Variants in TNN observed in about 807,000 individuals in gnomAD.
The protein encoded by TNN is tenascin N.
In TNN, 122 loss-of-function variants were observed where a neutral mutation model predicts 134.4. That is an observed-to-expected ratio of 0.91 (90% CI 0.78 to 1.06). TNN has a LOEUF of 1.06. Ranked by LOEUF, TNN falls within the 50% of genes least tolerant of loss-of-function variation. TNN has a pLI of 0.00. For missense variants in TNN, 1,739 were observed against 1,699.4 expected (o/e 1.02, Z -0.41); for synonymous variants, 710 against 670.3 (o/e 1.06, Z -0.91).
At chr1:175,134,082 G>T (rs1174225532) in intron 15 of TNN, among the ~76,000 whole-genome samples, 1 of 152,124 alleles carries the variant, frequency 6.6e-6, no homozygotes, top group Non-Finnish European at 1.5e-5. Flanking sequence ...AGTGAACTGA[G>T]ACTCAGTGAA....
intron 17 of TNN, among the ~76,000 whole-genome samples, chr1:175,141,210 G>A (rs552174168): frequency 2.8e-4 from 42 of 152,332 alleles, no homozygotes; most frequent in African/African-American, 9.9e-4. Context: ...GTGGGGGCAG[G>A]GAGGCTATCT....
At chr1:175,138,804 ACAT>A (rs1675879790) in intron 17 of TNN, among the ~76,000 whole-genome samples, 3 of 152,180 alleles carry the variant, frequency 2.0e-5, no homozygotes, top group South Asian at 4.1e-4. Context: ...CATTGTGCAA[ACAT>A]CATAGAATGC....
chr1:175,080,239 G>T lies in TNN; in HGVS notation c.861G>T (p.Gln287His), dbSNP rs777234827. 6.8e-6 allele frequency: 11 copies of T among 1,614,006 alleles called. No individual in the cohort carries two copies. In the South Asian group the frequency reaches 1.2e-4, roughly 18 times the overall value. Residue 287 changes from glutamine to histidine, a missense_variant, in exon 4 of 19, where the codon CAG becomes CAT. Gln to His is a conservative substitution (Grantham distance 24). Transcript: ENST00000239462. ...TGGTGAGCTGGGAGCCCTCCAGCCA[G>T]GTGGATCACTACCTCCTCAGCTACT... The part of the protein sequence containing the change: ...SLLVSWEPSS[Q>H]VDHYLLSYYP...
At chr1:175,143,979 A>T (rs1327015685) in intron 17 of TNN, among the ~76,000 whole-genome samples, 1 of 151,890 alleles carries the variant, frequency 6.6e-6, no homozygotes, top group East Asian at 1.9e-4. Flanking sequence ...GTATGAAGGG[A>T]TTTCCAAACA....
intron 9 of TNN, among the ~76,000 whole-genome samples, chr1:175,109,697 A>G (rs901605655): frequency 1.3e-5 from 2 of 149,060 alleles, no homozygotes; most frequent in African/African-American, 4.9e-5. Context: ...ACACATACAT[A>G]TGTATTATAT....
At chr1:175,079,228 G>T in intron 2 of TNN, 105 bp from the exon 3 acceptor site, 15 of 1,223,210 alleles carry the variant, frequency 1.2e-5, no homozygotes, top group African/African-American at 3.2e-5. Flanking sequence ...AGACCCTTAA[G>T]AGTGGGGCTA....
At chr1:175,099,562 G>T (rs1428811468) in intron 9 of TNN, among the ~76,000 whole-genome samples, 4 of 148,272 alleles carry the variant, frequency 2.7e-5, no homozygotes. Context: ...AGAGGTAAGG[G>T]TCCTGGAAGA....
chr1:175,108,685 G>A (rs939097178), intron 9 of TNN, among the ~76,000 whole-genome samples: 3 of 152,224 alleles, frequency 2.0e-5, no homozygotes, highest in Admixed American at 6.5e-5. Context: ...TACACCCTCC[G>A]CAGCTGCTGG....
intron 1 of TNN, among the ~76,000 whole-genome samples, chr1:175,074,696 G>T (rs1299913791): frequency 6.6e-6 from 1 of 152,176 alleles, no homozygotes; most frequent in East Asian, 1.9e-4. Context: ...CCATGAAGGA[G>T]TGGGAGGGCA....
chr1:175,126,104 C>CTTT (rs11410834), intron 12 of TNN, among the ~76,000 whole-genome samples: 52,582 of 133,016 alleles, frequency 0.4, 11,163 homozygotes, highest in African/African-American at 0.48. Flanking sequence ...TTGTTTCTTT[C>CTTT]TTTTTTTTTT....
Position 175,097,466 on chromosome 1 carries a change from C to T in TNN, c.1638C>T (p.Thr546=), listed in dbSNP as rs752011838. The change falls in exon 8 of 19, where the codon ACC becomes ACT. Residue 546 remains threonine, a synonymous_variant. Transcript: ENST00000239462. ...NLVTDRVTEN[T]ATISWDPVQA... ...TGACTGACCGGGTGACTGAGAATAC[C>T]GCCACCATCTCCTGGGACCCGGTAC... is the stretch of plus-strand genomic sequence containing the variant. 18 of 1,613,972 alleles carry T rather than the reference C, an allele frequency of 1.1e-5. No individual in the cohort carries two copies. The highest frequency in any genetic ancestry group is 2.2e-5 in the South Asian group (2 of 91,066).
rs144689513 is a variant in TNN at position 175,096,537 on chromosome 1, G to C, written c.1589-880G>C. On this transcript the variant is annotated intron_variant, in intron 7 of 18. Transcript: ENST00000239462. ...TGAAATGCAGGTGCTGTCACAAAAA[G>C]TACAGCCTTTTTTGAGGAGGTAGTT... Among the ~76,000 whole-genome samples, 414 of 152,280 alleles carry C rather than the reference G, an allele frequency of 2.7e-3. 5 individuals carry two copies. Among genetic ancestry groups the C allele is most frequent in the South Asian group, 2.5e-3 (12 of 4,832 alleles).
chr1:175,096,639 T>C (rs190722333), intron 7 of TNN, among the ~76,000 whole-genome samples: 174 of 152,360 alleles, frequency 1.1e-3, no homozygotes, highest in South Asian at 7.0e-3. Context: ...GATGTACATT[T>C]TGAGGAGAAA....
chr1:175,079,732 G>T, intron 3 of TNN, 25 bp downstream of exon 3: 1 of 1,548,312 alleles, frequency 6.5e-7, no homozygotes. Flanking sequence ...GTGCCCTCGG[G>T]CCGCCGGACT....
chr1:175,144,427 T>C lies in TNN; in HGVS notation c.3636T>C (p.Thr1212=), dbSNP rs1264913630. 3 of 1,614,176 alleles carry C rather than the reference T, an allele frequency of 1.9e-6. No individual in the cohort carries two copies. Among genetic ancestry groups the C allele is most frequent in the Non-Finnish European group, 2.5e-6 (3 of 1,180,014 alleles). ...LTYHNGWKFT[T]FDRDNDIALS... ...ACCACAATGGATGGAAGTTTACAAC[T>C]TTTGACAGAGACAATGATATCGCAC... is the stretch of plus-strand genomic sequence containing the variant. Residue 1212 remains threonine (T), a synonymous_variant, in exon 18 of 19, where the codon ACT becomes ACC. Coordinates refer to ENST00000239462, the MANE Select transcript of TNN (RefSeq NM_022093.2).
At chr1:175,077,028 A>G (rs749529881) in intron 1 of TNN, among the ~76,000 whole-genome samples, 16 of 152,202 alleles carry the variant, frequency 1.1e-4, no homozygotes, top group Non-Finnish European at 1.8e-4. Context: ...AAGGGAGGAT[A>G]ATATTAGCGT....
At chr1:175,074,302 G>A (rs1242104165) in intron 1 of TNN, among the ~76,000 whole-genome samples, 5 of 151,992 alleles carry the variant, frequency 3.3e-5, no homozygotes, top group Non-Finnish European at 7.4e-5. Flanking sequence ...GGGCAAGATG[G>A]TGAAACCCCA....
chr1:175,108,555 C>T (rs1463219811), intron 9 of TNN, among the ~76,000 whole-genome samples: 3 of 152,238 alleles, frequency 2.0e-5, no homozygotes, highest in African/African-American at 7.2e-5. Context: ...CCCACGGAGG[C>T]AGGGGAAGGC....
intron 6 of TNN, 86 bp downstream of exon 6, chr1:175,085,580 T>C (rs1219380892): frequency 4.1e-6 from 4 of 980,384 alleles, no homozygotes; most frequent in Middle Eastern, 4.1e-4. Flanking sequence ...TGGATAAGAA[T>C]TCTGGGATTT....
Sources: allele counts gnomAD v4.1 joint callset (sites outside exome capture counted in the v4.1 genomes callset), GRCh38; gene constraint gnomAD v4.1.1; transcripts MANE v1.5; gene names NCBI Gene and HGNC (gene_info 2026-07-23, HGNC 2026-07-21).